The following COL25A1 variants were observed in gnomAD, a reference collection of about 807,000 sequenced individuals.
The protein encoded by COL25A1 is collagen type XXV alpha 1 chain.
A neutral mutation model predicts 128.4 loss-of-function variants in COL25A1; 103 were observed. That is an observed-to-expected ratio of 0.80 (90% confidence interval 0.68 to 0.94). COL25A1 has a LOEUF of 0.94. Ranked by LOEUF, COL25A1 falls within the 40% of genes least tolerant of loss-of-function variation. The pLI is 0.00. For missense variants in COL25A1, 745 were observed against 840.0 expected (o/e 0.89, Z 1.40); for synonymous variants, 279 against 277.2 (o/e 1.01, Z -0.06).
chr4:109,116,924 C>T (rs1767628090), intron 3 of COL25A1, among the ~76,000 whole-genome samples: 1 of 151,678 alleles, frequency 6.6e-6, no homozygotes, highest in Non-Finnish European at 1.5e-5. Context: ...AATCTCTGAA[C>T]TTGAGAATGT....
chr4:109,053,427 A>G (rs1220002261), intron 3 of COL25A1, among the ~76,000 whole-genome samples: 1 of 152,114 alleles, frequency 6.6e-6, no homozygotes, highest in East Asian at 1.9e-4. Context: ...TCTATTCCTC[A>G]CTAATGATGT....
intron 3 of COL25A1, among the ~76,000 whole-genome samples, chr4:109,172,083 T>C (rs1773645014): frequency 6.6e-6 from 1 of 152,166 alleles, no homozygotes; most frequent in African/African-American, 2.4e-5. Flanking sequence ...CCATCAGCTC[T>C]GGAAGCCTGA....
intron 3 of COL25A1, among the ~76,000 whole-genome samples, chr4:109,194,541 A>G (rs1474748328): frequency 6.6e-6 from 1 of 151,814 alleles, no homozygotes; most frequent in Admixed American, 6.6e-5. Context: ...CATGGAGTAT[A>G]TAGAAGGAGT....
At chr4:109,047,599 C>G (rs1472674762) in intron 5 of COL25A1, among the ~76,000 whole-genome samples, 1 of 152,084 alleles carries the variant, frequency 6.6e-6, no homozygotes, top group African/African-American at 2.4e-5. Context: ...CAAATACCAC[C>G]TGTTCCCCAA....
chr4:109,222,528 A>G (rs1382749409), intron 3 of COL25A1, among the ~76,000 whole-genome samples: 1 of 152,204 alleles, frequency 6.6e-6, no homozygotes, highest in Non-Finnish European at 1.5e-5. Flanking sequence ...TTAATATTAA[A>G]CTATTTAATT....
At chr4:108,971,957 C>T (rs1751953910) in intron 8 of COL25A1, among the ~76,000 whole-genome samples, 1 of 152,042 alleles carries the variant, frequency 6.6e-6, no homozygotes, top group Admixed American at 6.6e-5. Context: ...GAATATATGT[C>T]CAAGTACTTA....
intron 3 of COL25A1, among the ~76,000 whole-genome samples, chr4:109,228,327 C>G (rs941889091): frequency 6.6e-6 from 1 of 152,128 alleles, no homozygotes; most frequent in African/African-American, 2.4e-5. Flanking sequence ...TGCCCCTTGT[C>G]TACTTGGCAC....
chr4:108,814,432 C>A (rs932558434), intron 37 of COL25A1, among the ~76,000 whole-genome samples: 3 of 152,170 alleles, frequency 2.0e-5, no homozygotes, highest in Admixed American at 1.3e-4. Flanking sequence ...CTTCCTTTTG[C>A]AAGCCTTGCC....
intron 3 of COL25A1, among the ~76,000 whole-genome samples, chr4:109,138,128 C>T (rs189011136): frequency 6.6e-6 from 1 of 152,014 alleles, no homozygotes. Context: ...TACTGCTATC[C>T]CTCCCTTTGC....
At chr4:108,889,796 T>A in intron 16 of COL25A1, 63 bp from the exon 17 acceptor site, 1 of 1,449,916 alleles carries the variant, frequency 6.9e-7, no homozygotes, top group Non-Finnish European at 9.7e-7. Context: ...TCACAAGCAC[T>A]CAGAGAGCCA....
chr4:108,974,411 G>A lies in COL25A1; in HGVS notation c.466-18C>T. The A allele has an allele frequency of 1.9e-6, 3 of 1,613,792 alleles. No individual in the cohort carries two copies. The highest frequency in any genetic ancestry group is 2.2e-5 in the East Asian group (1 of 44,830). ...TGTTCTCCCTGTAGAATAGAAAGGT[G>A]AGATAACAGTTTTAGCCAAAATTTA... is the stretch of plus-strand genomic sequence containing the variant. On this transcript the variant is annotated intron_variant, in intron 7 of 37. Coordinates refer to ENST00000399132, the MANE Select transcript of COL25A1 (RefSeq NM_198721.4).
chr4:109,123,083 A>G (rs1448674516), intron 3 of COL25A1, among the ~76,000 whole-genome samples: 1 of 152,106 alleles, frequency 6.6e-6, no homozygotes, highest in African/African-American at 2.4e-5. Context: ...CCTGCAAATT[A>G]ATCCCACTAT....
At chr4:108,963,676 G>A (rs1036581527) in intron 8 of COL25A1, among the ~76,000 whole-genome samples, 3 of 151,932 alleles carry the variant, frequency 2.0e-5, no homozygotes, top group African/African-American at 7.2e-5. Flanking sequence ...ATAGTTTCAT[G>A]TTTGAGAGAG....
intron 6 of COL25A1, among the ~76,000 whole-genome samples, chr4:108,976,470 T>C (rs1031151306): frequency 6.6e-6 from 1 of 152,238 alleles, no homozygotes; most frequent in African/African-American, 2.4e-5. Context: ...AGATTTTCCT[T>C]ACCTTTGAAC....
chr4:109,038,152 C>T (rs909510199), intron 5 of COL25A1, among the ~76,000 whole-genome samples: 2 of 152,130 alleles, frequency 1.3e-5, no homozygotes, highest in African/African-American at 2.4e-5. Context: ...GGCGAGGCTG[C>T]GGTGCCCAGT....
At chr4:108,893,344 G>A (rs966028835) in intron 16 of COL25A1, among the ~76,000 whole-genome samples, 6 of 152,110 alleles carry the variant, frequency 3.9e-5, no homozygotes, top group Non-Finnish European at 8.8e-5. Flanking sequence ...TTCGCACAGG[G>A]GAAAATAGAT....
intron 3 of COL25A1, among the ~76,000 whole-genome samples, chr4:109,271,936 T>G (rs1483742495): frequency 1.3e-5 from 2 of 152,192 alleles, no homozygotes; most frequent in Admixed American, 1.3e-4. Context: ...TTTTGTAAAT[T>G]TTTTTAAAGT....
At chr4:109,239,394 GTATATATATA>G (rs144842941) in intron 3 of COL25A1, among the ~76,000 whole-genome samples, 11 of 116,550 alleles carry the variant, frequency 9.4e-5, no homozygotes, top group East Asian at 7.3e-4. Flanking sequence ...GTGTGTGTGT[GTATATATATA>G]TATATATATA....
intron 11 of COL25A1, among the ~76,000 whole-genome samples, chr4:108,935,812 A>G (rs1408274925): frequency 6.6e-6 from 1 of 152,214 alleles, no homozygotes; most frequent in Non-Finnish European, 1.5e-5. Context: ...TAGAGAGCAT[A>G]TGTAATATGT....
Sources: gnomAD v4.1 joint callset for allele counts (sites outside exome capture counted in the v4.1 genomes callset) on GRCh38, gnomAD v4.1.1 for gene constraint, MANE v1.5 for transcripts, NCBI Gene and HGNC (gene_info 2026-07-23, HGNC 2026-07-21) for gene names.